Variants in ITGA3 observed in about 807,000 individuals in gnomAD.
The protein encoded by ITGA3 is integrin alpha-3.
In ITGA3, 70 loss-of-function variants were observed where a neutral mutation model predicts 131.1. The ratio of observed to expected loss-of-function variants is 0.53; its 90% CI spans 0.44 to 0.65. The LOEUF (loss-of-function observed/expected upper bound fraction) is 0.65, where lower values mean the gene tolerates loss of function less well. Ranked by LOEUF, ITGA3 falls within the 30% of genes least tolerant of loss-of-function variation. The probability of loss-of-function intolerance (pLI) is 0.00; values close to 1 mark genes in which losing one functional copy is unlikely to be tolerated. For synonymous variants in ITGA3, 537 were observed against 571.6 expected, an observed-to-expected ratio of 0.94 and a Z score of 0.86; for missense variants, 1,098 against 1,388.6, an observed-to-expected ratio of 0.79 and a Z score of 3.33.
rs1224716233 is a variant in ITGA3 at position 50,089,124 on chromosome 17, G to A, written c.*46G>A. ...TCCAACTCCAGTGTGACTTCTTTAA[G>A]CGGACCCGCTATTATCAGATCATGC... On this transcript the variant is annotated 3_prime_UTR_variant, in exon 26 of 26. Coordinates refer to ENST00000320031, the MANE Select transcript of ITGA3 (RefSeq NM_002204.4). 1 of 1,613,100 alleles carries A rather than the reference G, an allele frequency of 6.2e-7. No individual in the cohort carries two copies. Among genetic ancestry groups the A allele is most frequent in the Admixed American group, 1.7e-5 (1 of 59,968 alleles).
At chr17:50,068,015 C>A in intron 3 of ITGA3, 41 bp from the exon 4 acceptor site, 2 of 1,610,860 alleles carry the variant, frequency 1.2e-6, no homozygotes, top group Non-Finnish European at 1.7e-6. Flanking sequence ...ACCCGGGTCC[C>A]TGTGCCTGAC....
intron 15 of ITGA3, 92 bp from the exon 16 acceptor site, chr17:50,077,287 C>A: frequency 7.3e-7 from 1 of 1,364,896 alleles, no homozygotes. Flanking sequence ...ATCCGGCTCT[C>A]AAGCTCTAGG....
rs777403418 is a variant in ITGA3 at position 50,070,851 on chromosome 17, C to T, written c.672C>T (p.Ser224=). ...CCCTCAATCCCTGTGAAGGAAACAG[C>T]TACATGATTCAGCGCAAGGAGTGGG... ...APGAYNWKGN[S]YMIQRKEWDL... The change falls in exon 5 of 26, where the codon AGC becomes AGT. Residue 224 remains serine (S), a synonymous_variant. Coordinates refer to ENST00000320031, the MANE Select transcript of ITGA3 (RefSeq NM_002204.4). 1 of 1,609,960 alleles carries T rather than the reference C, an allele frequency of 6.2e-7. No homozygotes were observed. The highest frequency in any genetic ancestry group is 1.1e-5 in the South Asian group (1 of 90,982).
At position 50,089,344 on chromosome 17, in the gene ITGA3, C is replaced by T. The variant is rs1909610715; in HGVS notation, c.*266C>T. On this transcript the variant is annotated 3_prime_UTR_variant, in exon 26 of 26. Coordinates refer to ENST00000320031, the MANE Select transcript of ITGA3 (RefSeq NM_002204.4). ...ATCATAAGTTATGCCTCTGACAGTC[C>T]ACAGGGGCCACCACCTTTGGCTGGT... is the stretch of plus-strand genomic sequence containing the variant. The T allele has an allele frequency of 2.4e-6, 3 of 1,246,550 alleles. No homozygotes were observed. The highest frequency in any genetic ancestry group is 3.0e-5 in the African/African-American group (2 of 67,254). 77.2% of individuals were successfully genotyped at this position (1,246,550 alleles called of 1,614,324 possible).
chr17:50,077,335 C>T (rs1391969745), intron 15 of ITGA3, 44 bp from the exon 16 acceptor site: 1 of 1,550,248 alleles, frequency 6.5e-7, no homozygotes. Context: ...GAGGACAAGC[C>T]CTACTTTGAC....
intron 23 of ITGA3, among the ~76,000 whole-genome samples, chr17:50,083,862 A>C (rs1245058137): frequency 6.6e-6 from 1 of 152,104 alleles, no homozygotes; most frequent in African/African-American, 2.4e-5. Context: ...AGGGTGAAAT[A>C]CAAATGTTCA....
chr17:50,086,531 A>G (rs1051958437), intron 23 of ITGA3: 7 of 150,044 alleles, frequency 4.7e-5, no homozygotes, highest in African/African-American at 1.5e-4. Flanking sequence ...TCTACTAAAA[A>G]TACAAAAATT....
In ITGA3 at chr17:50,076,366, T is replaced by C; in HGVS notation, c.1715T>C (p.Met572Thr). 6.2e-7 allele frequency: 1 copy of C among 1,613,768 alleles called. No individual in the cohort carries two copies. The highest frequency in any genetic ancestry group is 8.5e-7 in the Non-Finnish European group (1 of 1,179,984). ...AAACTCCGCCCCATCATCATCTCCATGAACTACTCTTTACCTTTGCGGATG... is the reference window on the plus strand; with the variant it reads ...AAACTCCGCCCCATCATCATCTCCACGAACTACTCTTTACCTTTGCGGATG... ...RDKLRPIIIS[M>T]NYSLPLRMPD... Residue 572 changes from methionine to threonine, a missense_variant, in exon 13 of 26, where the codon ATG becomes ACG. By Grantham distance (81) the Met-to-Thr change is moderately conservative. Coordinates refer to ENST00000320031, the MANE Select transcript of ITGA3 (RefSeq NM_002204.4).
At chr17:50,087,657 AG>A (rs1246581575) in intron 23 of ITGA3, 86 bp from the exon 24 acceptor site, 2 of 1,442,868 alleles carry the variant, frequency 1.4e-6, no homozygotes, top group African/African-American at 2.8e-5. Context: ...GACAAACAGC[AG>A]GTGCCTGGGC....
At chr17:50,085,351 G>A (rs767244061) in intron 23 of ITGA3, among the ~76,000 whole-genome samples, 7 of 151,554 alleles carry the variant, frequency 4.6e-5, no homozygotes, top group South Asian at 2.1e-4. Context: ...TACAGAGATC[G>A]TAATTTCTAG....
intron 3 of ITGA3, chr17:50,065,247 G>A (rs1010897826): frequency 3.3e-5 from 5 of 152,208 alleles, no homozygotes. Context: ...CTCATATGAT[G>A]CCACCAGGAT....
chr17:50,065,387 G>C (rs1378939366), intron 3 of ITGA3: 1 of 152,158 alleles, frequency 6.6e-6, no homozygotes, highest in Non-Finnish European at 1.5e-5. Flanking sequence ...AAGTTCTATA[G>C]TCCCAGTAGA....
At chr17:50,088,445 C>A in intron 25 of ITGA3, 79 bp downstream of exon 25, 2 of 720,234 alleles carry the variant, frequency 2.8e-6, no homozygotes, top group Non-Finnish European at 4.8e-6. Context: ...GCTCCTCTTC[C>A]CTTATGGGCC....
chr17:50,086,720 A>T (rs1461258996), intron 23 of ITGA3: 1 of 148,688 alleles, frequency 6.7e-6, no homozygotes, highest in East Asian at 2.0e-4. Flanking sequence ...TCATATACAC[A>T]CACATCCGTA....
In ITGA3 at chr17:50,087,671, A is replaced by C. The variant is rs1008966548; in HGVS notation, c.2920-73A>C. On this transcript the variant is annotated intron_variant, in intron 23 of 25. Transcript: ENST00000320031. Reference sequence around the variant, plus strand: ...GGACAAACAGCAGGTGCCTGGGCCCAGCTAGGATAGGAAGGGTGAGGATGG... The same window carrying C: ...GGACAAACAGCAGGTGCCTGGGCCCCGCTAGGATAGGAAGGGTGAGGATGG... The C allele has an allele frequency of 1.9e-5, 29 of 1,516,812 alleles. No homozygotes were observed. The South Asian group carries it at 3.1e-4, about 16-fold the overall frequency. The allele number at this position is 1,516,812 out of a possible 1,614,324, so 94.0% of individuals were successfully genotyped here. A position where few individuals can be genotyped will look rare whatever the true frequency, so the allele number is the denominator to read the frequency against.
rs116584322 is a variant in ITGA3, at chr17:50,085,059, T to C, written c.2920-2685T>C. On this transcript the variant is annotated intron_variant, in intron 23 of 25. Transcript: ENST00000320031. ...GAAACCCCGGCTCTACTAAAAATGC[T>C]GGGGTGGTGGCGGGCGCCTGTAATC... Among the ~76,000 whole-genome samples the C allele has an allele frequency of 9.6e-3, 1,440 of 150,328 alleles. 23 individuals are homozygous for C. Among genetic ancestry groups the C allele is most frequent in the African/African-American group, 0.033 (1,335 of 41,024 alleles).
intron 25 of ITGA3, 80 bp from the exon 26 acceptor site, chr17:50,089,030 A>G: frequency 9.3e-7 from 1 of 1,080,062 alleles, no homozygotes; most frequent in Non-Finnish European, 1.4e-6. Context: ...TCTGGGTGGG[A>G]GAGGGAGAGG....
At position 50,089,452 on chromosome 17, in the gene ITGA3, C is replaced by T. The variant is rs528441163; in HGVS notation, c.*374C>T. 7 of 598,336 alleles carry T rather than the reference C, an allele frequency of 1.2e-5. No homozygotes were observed. Among genetic ancestry groups the T allele is most frequent in the Admixed American group, 5.9e-5 (2 of 34,032 alleles). The allele number at this position is 598,336 out of a possible 1,614,324, so 37.1% of individuals were successfully genotyped here. ...GGGGATCTTCCCACAGGAGGGCCAG[C>T]GCTGTGGACCTTACAACGCCGAGTG... On this transcript the variant is annotated 3_prime_UTR_variant, in exon 26 of 26. Transcript: ENST00000320031.
rs1908916445 is a variant in ITGA3, at chr17:50,076,622, T to C, written c.1863T>C (p.Cys621=). ...FQKECGPDNK[C]ESNLQMRAAF... ...AGGAGTGCGGGCCTGACAACAAGTG[T>C]GAGAGCAACTTGCAGATGCGGGCAG... The change falls in exon 14 of 26, where the codon TGT becomes TGC. Residue 621 remains cysteine (C), a synonymous_variant. Coordinates refer to ENST00000320031, the MANE Select transcript of ITGA3 (RefSeq NM_002204.4). 6.2e-7 allele frequency: 1 copy of C among 1,613,322 alleles called. No individual in the cohort carries two copies. Among genetic ancestry groups the C allele is most frequent in the South Asian group, 1.1e-5 (1 of 91,078 alleles).
Sources: allele counts gnomAD v4.1 joint callset (sites outside exome capture counted in the v4.1 genomes callset), GRCh38; gene constraint gnomAD v4.1.1; transcripts MANE v1.5; gene names NCBI Gene and HGNC (gene_info 2026-07-23, HGNC 2026-07-21).